Variants in GTF2IRD1 observed in about 807,000 individuals in gnomAD.
The protein encoded by GTF2IRD1 is general transcription factor II-I repeat domain-containing protein 1.
Under a neutral mutation model 113.2 loss-of-function variants are expected in GTF2IRD1, and 26 were observed. That is an observed-to-expected ratio of 0.23 (90% confidence interval 0.17 to 0.32). The LOEUF is 0.32. Ranked by LOEUF, GTF2IRD1 falls within the 10% of genes least tolerant of loss-of-function variation. GTF2IRD1 has a pLI of 1.00. For synonymous variants in GTF2IRD1, 484 were observed against 529.1 expected, an observed-to-expected ratio of 0.91 and a Z score of 1.17; for missense variants, 864 against 1,280.8, an observed-to-expected ratio of 0.67 and a Z score of 4.97.
chr7:74,454,547 G>A (rs979493975), intron 1 of GTF2IRD1, among the ~76,000 whole-genome samples: 24 of 151,742 alleles, frequency 1.6e-4, no homozygotes, highest in Admixed American at 2.6e-4. Context: ...GGGCGCCGGG[G>A]TGGGAGCAGA....
At position 74,566,092 on chromosome 7, in the gene GTF2IRD1, A is replaced by G. The variant is rs1465942086; in HGVS notation, c.2320+6437A>G. ...TGGTAGAAATTTGGAAAATACAGAA[A>G]TCTAACAACCCAGATGGCTGTTCAT... On this transcript the variant is annotated intron_variant, in intron 22 of 26. Transcript: ENST00000424337. 7.2e-5 allele frequency among the ~76,000 whole-genome samples: 11 copies of G among 152,162 alleles called. No homozygotes were observed. The East Asian group carries it at 1.9e-3, about 27-fold the overall frequency.
chr7:74,563,810 C>CA (rs1327629067), intron 22 of GTF2IRD1, among the ~76,000 whole-genome samples: 1 of 150,984 alleles, frequency 6.6e-6, no homozygotes, highest in Non-Finnish European at 1.5e-5. Flanking sequence ...GGCTTGAGCC[C>CA]AGGAGGTGGA....
chr7:74,493,159 G>A (rs1227309750), intron 1 of GTF2IRD1, among the ~76,000 whole-genome samples: 2 of 150,392 alleles, frequency 1.3e-5, no homozygotes, highest in Non-Finnish European at 3.0e-5. Flanking sequence ...GCTCAGGCTG[G>A]AGGGCAGTGA....
At chr7:74,528,315 A>G (rs1797721718) in intron 8 of GTF2IRD1, among the ~76,000 whole-genome samples, 1 of 152,102 alleles carries the variant, frequency 6.6e-6, no homozygotes, top group Non-Finnish European at 1.5e-5. Context: ...GACTCAAGCG[A>G]TCCTCCAGCA....
intron 25 of GTF2IRD1, among the ~76,000 whole-genome samples, chr7:74,596,633 A>C (rs1410799199): frequency 6.6e-6 from 1 of 151,718 alleles, no homozygotes; most frequent in Non-Finnish European, 1.5e-5. Context: ...ACAGAGCAAG[A>C]CTCTGTCTCG....
rs113726871 is a variant in GTF2IRD1 at position 74,560,442 on chromosome 7, A to T, written c.2320+787A>T. The stretch of plus-strand genomic sequence containing the variant: ...TGCCTCTCCTGACCCTTTTTAAAAA[A>T]ATATTTTATATATATAATAAAATAT... On this transcript the variant is annotated intron_variant, in intron 22 of 26. Transcript: ENST00000424337. 1.0e-3 allele frequency among the ~76,000 whole-genome samples: 150 copies of T among 148,180 alleles called. 1 individual carries two copies. Among genetic ancestry groups the T allele is most frequent in the African/African-American group, 3.5e-3 (144 of 40,846 alleles).
At chr7:74,568,988 G>A (rs1800519812) in intron 22 of GTF2IRD1, among the ~76,000 whole-genome samples, 1 of 152,178 alleles carries the variant, frequency 6.6e-6, no homozygotes, top group Non-Finnish European at 1.5e-5. Context: ...GCACACAGCT[G>A]AAATCCCCAG....
At chr7:74,464,853 C>G (rs1425746974) in intron 1 of GTF2IRD1, among the ~76,000 whole-genome samples, 1 of 152,150 alleles carries the variant, frequency 6.6e-6, no homozygotes, top group East Asian at 1.9e-4. Context: ...CCCACCCTTG[C>G]CTCCCACCCC....
At chr7:74,491,655 A>G (rs1469508055) in intron 1 of GTF2IRD1, among the ~76,000 whole-genome samples, 5 of 152,072 alleles carry the variant, frequency 3.3e-5, no homozygotes, top group Admixed American at 6.6e-5. Flanking sequence ...AAAGAACATG[A>G]TCTTGTTCTT....
intron 22 of GTF2IRD1, 108 bp from the exon 23 acceptor site, chr7:74,589,743 G>T (rs1385015971): frequency 1.3e-5 from 9 of 685,250 alleles, no homozygotes; most frequent in Non-Finnish European, 2.1e-5. Context: ...GGTCGGCCCT[G>T]CAGAGAATGT....
At chr7:74,519,317 G>A in intron 5 of GTF2IRD1, 92 bp from the exon 6 acceptor site, 1 of 830,402 alleles carries the variant, frequency 1.2e-6, no homozygotes. Context: ...GTTATGTTCT[G>A]CAGAGGGCAG....
chr7:74,598,232 A>G (rs1478017281), intron 25 of GTF2IRD1, among the ~76,000 whole-genome samples: 1 of 151,884 alleles, frequency 6.6e-6, no homozygotes, highest in Non-Finnish European at 1.5e-5. Flanking sequence ...CCAAAAAAAA[A>G]AGAGCCAGTT....
At chr7:74,455,389 G>A (rs997224504) in intron 1 of GTF2IRD1, among the ~76,000 whole-genome samples, 3 of 152,210 alleles carry the variant, frequency 2.0e-5, no homozygotes, top group Admixed American at 6.5e-5. Flanking sequence ...TGCCATGGTC[G>A]GCCTCTGTGT....
chr7:74,515,424 T>C lies in GTF2IRD1; in HGVS notation c.266-17T>C. The C allele has an allele frequency of 6.4e-7, 1 of 1,568,268 alleles. No homozygotes were observed. Among genetic ancestry groups the C allele is most frequent in the South Asian group, 1.1e-5 (1 of 87,076 alleles). ...GACGGGTGCTCACTGTGGCCTCGCG[T>C]GCTCTGTGTCCCACAGGAGGGCCCC... On this transcript the variant is annotated splice_polypyrimidine_tract_variant and intron_variant, in intron 3 of 26. Coordinates refer to ENST00000424337, the MANE Select transcript of GTF2IRD1 (RefSeq NM_005685.4).
intron 25 of GTF2IRD1, among the ~76,000 whole-genome samples, chr7:74,596,467 A>G (rs1460566504): frequency 6.6e-6 from 1 of 151,270 alleles, no homozygotes; most frequent in Non-Finnish European, 1.5e-5. Context: ...CTCAAAAAAA[A>G]AAAAAAAAAG....
chr7:74,533,391 T>C (rs1344884112), intron 9 of GTF2IRD1, among the ~76,000 whole-genome samples: 2 of 152,182 alleles, frequency 1.3e-5, no homozygotes, highest in African/African-American at 4.8e-5. Flanking sequence ...TGCCTGGGCT[T>C]CCCAAAGTAC....
At chr7:74,472,236 C>T (rs979471769) in intron 1 of GTF2IRD1, among the ~76,000 whole-genome samples, 1 of 138,882 alleles carries the variant, frequency 7.2e-6, no homozygotes. Flanking sequence ...AGGGCCGGGG[C>T]CAGGTGCTGC....
chr7:74,459,131 G>A (rs1282297141), intron 1 of GTF2IRD1, among the ~76,000 whole-genome samples: 3 of 152,108 alleles, frequency 2.0e-5, no homozygotes, highest in African/African-American at 4.8e-5. Flanking sequence ...AGGAACCTGG[G>A]TTCATGCCCT....
At chr7:74,574,803 A>C (rs1480156266) in intron 22 of GTF2IRD1, among the ~76,000 whole-genome samples, 9 of 151,192 alleles carry the variant, frequency 6.0e-5, no homozygotes, top group Non-Finnish European at 1.2e-4. Flanking sequence ...AAAAAAAAAA[A>C]CCCGGCTGAG....
Sources: gnomAD v4.1 joint callset for allele counts (sites outside exome capture counted in the v4.1 genomes callset) on GRCh38, gnomAD v4.1.1 for gene constraint, MANE v1.5 for transcripts, NCBI Gene and HGNC (gene_info 2026-07-23, HGNC 2026-07-21) for gene names.